Variants in CFAP70 observed in about 807,000 individuals in gnomAD.
CFAP70 encodes the protein cilia- and flagella-associated protein 70.
CFAP70 carries 81 observed loss-of-function variants against 137.6 expected under a neutral mutation model. The observed-to-expected ratio is 0.59, with a 90% confidence interval of 0.49 to 0.71. CFAP70 has a LOEUF of 0.71. Ranked by LOEUF, CFAP70 falls within the 30% of genes least tolerant of loss-of-function variation. CFAP70 has a pLI of 0.00. For missense variants in CFAP70, 976 were observed against 1,226.7 expected, an observed-to-expected ratio of 0.80 and a Z score of 3.05; for synonymous variants, 382 against 423.6, an observed-to-expected ratio of 0.90 and a Z score of 1.20.
intron 6 of CFAP70, among the ~76,000 whole-genome samples, chr10:73,336,364 G>C (rs1268345257): frequency 8.3e-4 from 126 of 152,032 alleles, no homozygotes; most frequent in Non-Finnish European, 1.8e-4. Context: ...ATAAATCTAA[G>C]AAAAGTATGA....
At chr10:73,272,787 C>G (rs960237161) in intron 24 of CFAP70, 141 bp downstream of exon 25, 7 of 772,248 alleles carry the variant, frequency 9.1e-6, no homozygotes, top group Non-Finnish European at 1.6e-5. Flanking sequence ...CACTGAACAC[C>G]TTTGAAGAAC....
chr10:73,267,618 T>A (rs912701825), intron 25 of CFAP70, among the ~76,000 whole-genome samples: 2 of 152,226 alleles, frequency 1.3e-5, no homozygotes, highest in Non-Finnish European at 2.9e-5. Context: ...TATAAAAATC[T>A]ACTATAAGGC....
intron 10 of CFAP70, 106 bp from the exon 12 acceptor site, chr10:73,312,020 A>T: frequency 1.2e-6 from 1 of 833,890 alleles, no homozygotes; most frequent in Non-Finnish European, 2.0e-6. Flanking sequence ...AACTGCAGCC[A>T]TAAAAAAGAA....
intron 12 of CFAP70, among the ~76,000 whole-genome samples, chr10:73,307,218 A>G (rs946465545): frequency 1.3e-5 from 2 of 152,286 alleles, no homozygotes; most frequent in East Asian, 1.9e-4. Context: ...AATACACAGA[A>G]AAGGAAAGAA....
chr10:73,314,765 C>G (rs2050197778), intron 9 of CFAP70, among the ~76,000 whole-genome samples: 2 of 151,980 alleles, frequency 1.3e-5, no homozygotes, highest in South Asian at 4.1e-4. Flanking sequence ...TGCCACCACC[C>G]CAGCTAATTT....
At chr10:73,350,934 T>C in intron 3 of CFAP70, among the ~76,000 whole-genome samples, 1 of 148,914 alleles carries the variant, frequency 6.7e-6, no homozygotes, top group Non-Finnish European at 1.5e-5. Flanking sequence ...CTAATTTGTG[T>C]GTATATATGT....
At chr10:73,323,779 T>A (rs7897661) in intron 8 of CFAP70, among the ~76,000 whole-genome samples, 2 of 151,952 alleles carry the variant, frequency 1.3e-5, no homozygotes, top group Admixed American at 1.3e-4. Context: ...GGGGGAGGGG[T>A]GCCCCCCATT....
chr10:73,269,823 T>G, intron 24 of CFAP70, 108 bp from the exon 26 acceptor site: 1 of 607,254 alleles, frequency 1.6e-6, no homozygotes, highest in South Asian at 2.2e-5. Flanking sequence ...TTAATATTTT[T>G]AGCATCAGAA....
chr10:73,331,515 A>G (rs2052081810), intron 7 of CFAP70, among the ~76,000 whole-genome samples: 1 of 152,100 alleles, frequency 6.6e-6, no homozygotes, highest in African/African-American at 2.4e-5. Flanking sequence ...TTCCATCTCT[A>G]TGAAAAATAC....
At chr10:73,341,525 T>C (rs1262779205) in exon 6 of CFAP70, 1 of 1,614,156 alleles carries the variant, frequency 6.2e-7, no homozygotes, top group Non-Finnish European at 8.5e-7. Flanking sequence ...GGGGAACAGG[T>C]TCCCTTTCCC....
In CFAP70 at chr10:73,279,451, G is replaced by A. The variant is rs534130261; in HGVS notation, c.2240-1114C>T. ...AGGCAGGAGAATGGCGTGAACCCGG[G>A]AGGCAGAGCTTGCAGTGAGCCCAGA... On this transcript the variant is annotated intron_variant, in intron 19 of 26. Coordinates refer to ENST00000310715, the Ensembl canonical transcript of CFAP70. Among the ~76,000 whole-genome samples, 3 of 151,848 alleles carry A rather than the reference G, an allele frequency of 2.0e-5. No individual in the cohort carries two copies. The South Asian group carries it at 6.2e-4, about 32-fold the overall frequency.
chr10:73,278,420 GCATAAGAAA>G (rs1589320922), intron 19 of CFAP70, 83 bp from the exon 21 acceptor site: 1 of 1,152,848 alleles, frequency 8.7e-7, no homozygotes, highest in East Asian at 2.5e-5. Context: ...ATTTTGCAAA[GCATAAGAAA>G]CATATTCCCT....
intron 19 of CFAP70, among the ~76,000 whole-genome samples, chr10:73,279,757 C>A (rs1221962910): frequency 6.6e-6 from 1 of 151,738 alleles, no homozygotes; most frequent in Non-Finnish European, 1.5e-5. Context: ...TCTTGAGGGA[C>A]TGAGGTGGGA....
intron 3 of CFAP70, among the ~76,000 whole-genome samples, chr10:73,351,965 A>C (rs2054313505): frequency 6.6e-6 from 1 of 152,164 alleles, no homozygotes; most frequent in Non-Finnish European, 1.5e-5. Flanking sequence ...CTGACACCTG[A>C]TGGAGGCAGC....
At position 73,255,509 on chromosome 10, in the gene CFAP70, G is replaced by A. The variant is rs199903694; in HGVS notation, c.3075+860C>T. ...GTGGAGGTTGCAGTGAGCTGAGATC[G>A]TGCTACTGCACTCCAGCCTGGGCAA... On this transcript the variant is annotated intron_variant, in intron 26 of 26. Coordinates refer to ENST00000310715, the Ensembl canonical transcript of CFAP70. Among the ~76,000 whole-genome samples, 36 of 152,278 alleles carry A rather than the reference G, an allele frequency of 2.4e-4. No individual in the cohort carries two copies. In the East Asian group the frequency reaches 5.6e-3, roughly 24 times the overall value.
chr10:73,333,161 T>A (rs1321389267), intron 7 of CFAP70, among the ~76,000 whole-genome samples: 3 of 152,022 alleles, frequency 2.0e-5, no homozygotes, highest in South Asian at 4.1e-4. Flanking sequence ...TGACTGGACA[T>A]GGCTGAGGAA....
intron 7 of CFAP70, among the ~76,000 whole-genome samples, chr10:73,334,542 C>T (rs2052442363): frequency 6.6e-6 from 1 of 151,560 alleles, no homozygotes. Flanking sequence ...GCCTGGATAC[C>T]TAATAACACT....
chr10:73,260,621 A>G (rs1470337507), intron 25 of CFAP70, among the ~76,000 whole-genome samples: 2 of 152,204 alleles, frequency 1.3e-5, no homozygotes, highest in Non-Finnish European at 2.9e-5. Context: ...AAGTTCTTTC[A>G]TGCCTGTTTG....
In CFAP70 at chr10:73,290,541, A is replaced by G. The variant is rs374535908; in HGVS notation, c.2239+685T>C. On this transcript the variant is annotated intron_variant, in intron 19 of 26. Transcript: ENST00000310715. Reference sequence around the variant, plus strand: ...CAAATTGTACATATTAAATATGTGCAGTTTTTGAAATGTCAATTACACCTC... The same window carrying G: ...CAAATTGTACATATTAAATATGTGCGGTTTTTGAAATGTCAATTACACCTC... Among the ~76,000 whole-genome samples the G allele has an allele frequency of 1.6e-4, 24 of 152,362 alleles. 1 individual carries two copies. In the East Asian group the frequency reaches 4.6e-3, roughly 29 times the overall value.
Sources: allele counts gnomAD v4.1 joint callset (sites outside exome capture counted in the v4.1 genomes callset), GRCh38; gene constraint gnomAD v4.1.1; transcripts MANE v1.5; gene names NCBI Gene and HGNC (gene_info 2026-07-23, HGNC 2026-07-21).